NLGN4X: variants seen among roughly 807,000 people sequenced by gnomAD.
NLGN4X encodes the protein neuroligin 4 X-linked.
In NLGN4X, 3 loss-of-function variants were observed where a neutral mutation model predicts 40.3. The observed-to-expected ratio is 0.07, with a 90% confidence interval of 0.03 to 0.19. The LOEUF (loss-of-function observed/expected upper bound fraction) is 0.19. Ranked by LOEUF, NLGN4X falls within the 10% of genes least tolerant of loss-of-function variation. The probability of loss-of-function intolerance (pLI) is 1.00; values close to 1 mark genes in which losing one functional copy is unlikely to be tolerated. For missense variants in NLGN4X, 382 were observed against 708.3 expected, an observed-to-expected ratio of 0.54 and a Z score of 5.23; for synonymous variants, 270 against 306.8, an observed-to-expected ratio of 0.88 and a Z score of 1.25.
At chrX:6,047,511 A>G (rs769179465) in intron 2 of NLGN4X, among the ~76,000 whole-genome samples, 74 of 111,612 alleles carry the variant, frequency 6.6e-4, no homozygotes, top group Non-Finnish European at 1.2e-3. Context: ...GAGATGGATG[A>G]TGGAGTAGGA....
chrX:5,957,479 C>G (rs1438539259), intron 3 of NLGN4X, among the ~76,000 whole-genome samples: 1 of 111,895 alleles, frequency 8.9e-6, no homozygotes, highest in East Asian at 2.8e-4. Context: ...CTAACAAAGA[C>G]AGTTGTCATT....
rs773991377 is a variant in NLGN4X at position 5,957,899 on chromosome X, AT to A, written c.626-48661del. Among the ~76,000 whole-genome samples, 43 of 112,020 alleles carry A rather than the reference AT, an allele frequency of 3.8e-4. No individual in the cohort carries two copies. The East Asian group carries it at 0.012, about 31-fold the overall frequency. On this transcript the variant is annotated intron_variant, in intron 3 of 5. Transcript: ENST00000381095. ...GTTTAATTTTTGCAAAAGCATTAAA[AT>A]TTTTTCCCTATTGTGTAGGAAAGTG...
chrX:6,123,776 TATA>T (rs1284846896), intron 2 of NLGN4X, among the ~76,000 whole-genome samples: 2 of 91,264 alleles, frequency 2.2e-5, no homozygotes, highest in African/African-American at 4.1e-5. Flanking sequence ...GAAAGAAAAA[TATA>T]ATAATAAGGT....
intron 3 of NLGN4X, among the ~76,000 whole-genome samples, chrX:5,966,732 T>C (rs2034845695): frequency 9.1e-6 from 1 of 110,305 alleles, no homozygotes. Flanking sequence ...ATGTTTACTG[T>C]AGTTTCATTG....
chrX:5,956,730 A>G (rs2034504400), intron 3 of NLGN4X, among the ~76,000 whole-genome samples: 1 of 111,634 alleles, frequency 9.0e-6, no homozygotes, highest in Non-Finnish European at 1.9e-5. Flanking sequence ...AACATTTGAA[A>G]ACTGACAGAA....
chrX:5,922,288 A>T (rs1017511313), intron 3 of NLGN4X, among the ~76,000 whole-genome samples: 4 of 111,328 alleles, frequency 3.6e-5, no homozygotes, highest in African/African-American at 1.3e-4. Flanking sequence ...ATAGCACTGC[A>T]GGGTGACTGT....
chrX:6,222,642 C>T (rs1925812601), intron 1 of NLGN4X, among the ~76,000 whole-genome samples: 1 of 112,153 alleles, frequency 8.9e-6, no homozygotes, highest in African/African-American at 3.2e-5. Flanking sequence ...TACTCTTTTC[C>T]TGTCTCAAAT....
chrX:6,217,920 G>A (rs1368878175), intron 1 of NLGN4X, among the ~76,000 whole-genome samples: 1 of 111,590 alleles, frequency 9.0e-6, no homozygotes, highest in Non-Finnish European at 1.9e-5. Context: ...CCAAATGTAA[G>A]GGTTTTGATT....
intron 3 of NLGN4X, among the ~76,000 whole-genome samples, chrX:5,954,121 T>C (rs565666153): frequency 4.5e-5 from 5 of 112,014 alleles, no homozygotes; most frequent in African/African-American, 1.6e-4. Flanking sequence ...GAGCTCTATT[T>C]TCCCCTCAAT....
At chrX:6,177,820 T>C (rs1427977292) in intron 1 of NLGN4X, among the ~76,000 whole-genome samples, 2 of 110,778 alleles carry the variant, frequency 1.8e-5, no homozygotes, top group Non-Finnish European at 3.8e-5. Context: ...TATGTTGAAA[T>C]TGTGACCCCC....
chrX:5,898,500 G>A (rs1464906905), intron 5 of NLGN4X, among the ~76,000 whole-genome samples: 1 of 110,892 alleles, frequency 9.0e-6, no homozygotes, highest in Admixed American at 9.6e-5. Flanking sequence ...CATCTACTTT[G>A]AGATGTCTAT....
intron 3 of NLGN4X, among the ~76,000 whole-genome samples, chrX:6,007,668 C>G (rs2036137968): frequency 9.0e-6 from 1 of 111,585 alleles, no homozygotes; most frequent in South Asian, 3.8e-4. Flanking sequence ...TGTAAATGGC[C>G]TGCTTGCATC....
intron 3 of NLGN4X, among the ~76,000 whole-genome samples, chrX:5,983,573 C>A (rs953301845): frequency 9.0e-5 from 10 of 111,118 alleles, no homozygotes; most frequent in Non-Finnish European, 1.5e-4. Flanking sequence ...TTAAACAAAG[C>A]TGAAGAGAAA....
intron 3 of NLGN4X, among the ~76,000 whole-genome samples, chrX:5,919,810 A>C (rs981077490): frequency 8.9e-6 from 1 of 111,771 alleles, no homozygotes; most frequent in African/African-American, 3.3e-5. Flanking sequence ...TGGTGCCAAA[A>C]GTGTTGAGGA....
chrX:5,967,054 T>C (rs1162547047), intron 3 of NLGN4X, among the ~76,000 whole-genome samples: 1 of 111,717 alleles, frequency 9.0e-6, no homozygotes, highest in Non-Finnish European at 1.9e-5. Flanking sequence ...ATAAAGATCC[T>C]TATCAGGCTG....
chrX:6,097,460 G>A (rs2038807683), intron 2 of NLGN4X, among the ~76,000 whole-genome samples: 1 of 110,969 alleles, frequency 9.0e-6, no homozygotes, highest in South Asian at 3.8e-4. Flanking sequence ...GTGTTGCTGT[G>A]GTTGCAGGAG....
chrX:5,957,052 C>G (rs1340319171), intron 3 of NLGN4X, among the ~76,000 whole-genome samples: 2 of 110,367 alleles, frequency 1.8e-5, no homozygotes, highest in African/African-American at 6.6e-5. Context: ...CAGAGAGAGA[C>G]AAAGAAGAAA....
chrX:6,226,176 G>A (rs1926291463), intron 1 of NLGN4X, among the ~76,000 whole-genome samples: 1 of 108,964 alleles, frequency 9.2e-6, no homozygotes, highest in African/African-American at 3.3e-5. Flanking sequence ...CCAAAACCCC[G>A]CCGGAACCTC....
intron 2 of NLGN4X, among the ~76,000 whole-genome samples, chrX:6,145,989 C>T (rs932070640): frequency 2.7e-5 from 3 of 110,291 alleles, no homozygotes; most frequent in Non-Finnish European, 5.7e-5. Context: ...GTGGAGTGCA[C>T]CTGTAGTCCC....
Sources: gnomAD v4.1 joint callset for allele counts (sites outside exome capture counted in the v4.1 genomes callset) on GRCh38, gnomAD v4.1.1 for gene constraint, MANE v1.5 for transcripts, NCBI Gene and HGNC (gene_info 2026-07-23, HGNC 2026-07-21) for gene names.